ANKRD17: variants seen among roughly 807,000 people sequenced by gnomAD.
ANKRD17 encodes the protein ankyrin repeat domain-containing protein 17.
In ANKRD17, 19 loss-of-function variants were observed where a neutral mutation model predicts 229.7. That is an observed-to-expected ratio of 0.08 (90% CI 0.06 to 0.12). The LOEUF (loss-of-function observed/expected upper bound fraction) is 0.12, where lower values mean the gene tolerates loss of function less well. Ranked by LOEUF, ANKRD17 falls within the 10% of genes least tolerant of loss-of-function variation. The probability of loss-of-function intolerance (pLI) is 1.00; values close to 1 mark genes in which losing one functional copy is unlikely to be tolerated. For missense variants in ANKRD17, 2,176 were observed against 3,176.8 expected, an observed-to-expected ratio of 0.68 and a Z score of 7.57; for synonymous variants, 1,112 against 1,146.1, an observed-to-expected ratio of 0.97 and a Z score of 0.60.
intron 1 of ANKRD17, among the ~76,000 whole-genome samples, chr4:73,224,332 T>C (rs1262377575): frequency 6.6e-6 from 1 of 152,182 alleles, no homozygotes; most frequent in Non-Finnish European, 1.5e-5. Context: ...CTCCTCAAAG[T>C]GATGTCATGT....
chr4:73,237,953 TCTA>T (rs1298710060), intron 1 of ANKRD17, among the ~76,000 whole-genome samples: 2 of 152,072 alleles, frequency 1.3e-5, no homozygotes, highest in Admixed American at 1.3e-4. Context: ...CCTTAACCTA[TCTA>T]CTATCAGCTC....
intron 21 of ANKRD17, among the ~76,000 whole-genome samples, chr4:73,119,510 T>C (rs1324236703): frequency 6.6e-6 from 1 of 152,232 alleles, no homozygotes; most frequent in Admixed American, 6.5e-5. Context: ...ATACTCAATC[T>C]GTTTTTGTAG....
chr4:73,216,295 T>C lies in ANKRD17; in HGVS notation c.394-38762A>G, dbSNP rs141114648. On this transcript the variant is annotated intron_variant, in intron 1 of 33. Coordinates refer to ENST00000358602, the MANE Select transcript of ANKRD17 (RefSeq NM_032217.5). The stretch of plus-strand genomic sequence containing the variant: ...ATGTAAATGTTTTTAAATTTTTCTT[T>C]CAACTTTAATTTTAATTTTCTTTAA... Among the ~76,000 whole-genome samples the C allele has an allele frequency of 3.8e-3, 579 of 152,266 alleles. 3 individuals are homozygous for C. The highest frequency in any genetic ancestry group is 0.013 in the African/African-American group (550 of 41,570).
intron 6 of ANKRD17, 125 bp downstream of exon 6, chr4:73,153,750 CTTATT>C: frequency 1.7e-6 from 1 of 585,796 alleles, no homozygotes. Context: ...ACTGCAAACA[CTTATT>C]TAACCTTTAA....
At chr4:73,136,878 A>G (rs1037941542) in intron 15 of ANKRD17, among the ~76,000 whole-genome samples, 1 of 152,028 alleles carries the variant, frequency 6.6e-6, no homozygotes, top group African/African-American at 2.4e-5. Context: ...TCATAATACT[A>G]AACAGGTTAA....
At position 73,112,870 on chromosome 4, in the gene ANKRD17, C is replaced by T. The variant is rs1725487122; in HGVS notation, c.4401+922G>A. 3 of 302,928 alleles carry T rather than the reference C, an allele frequency of 9.9e-6. No individual in the cohort carries two copies. In the South Asian group the frequency reaches 3.9e-4, roughly 39 times the overall value. The allele number at this position is 302,928 out of a possible 1,614,324, so 18.8% of individuals were successfully genotyped here. On this transcript the variant is annotated intron_variant, in intron 24 of 33. Transcript: ENST00000358602. Reference sequence around the variant, plus strand: ...TGGCGTGATCTTGGCTCACTGCAACCTCCGCCTCCCAGGTTCAAGTGATTC... The same window carrying T: ...TGGCGTGATCTTGGCTCACTGCAACTTCCGCCTCCCAGGTTCAAGTGATTC...
intron 1 of ANKRD17, among the ~76,000 whole-genome samples, chr4:73,217,849 G>A (rs1203413173): frequency 6.6e-6 from 1 of 152,084 alleles, no homozygotes; most frequent in Non-Finnish European, 1.5e-5. Context: ...TCTCATGTGG[G>A]TCCCATCCCC....
chr4:73,078,539 A>G, intron 31 of ANKRD17, 103 bp downstream of exon 31: 2 of 1,407,958 alleles, frequency 1.4e-6, no homozygotes, highest in Admixed American at 2.3e-5. Context: ...TCCATCTCAA[A>G]AAAAGAAAAA....
intron 20 of ANKRD17, among the ~76,000 whole-genome samples, chr4:73,120,650 T>C (rs1179802494): frequency 1.3e-5 from 2 of 151,908 alleles, no homozygotes; most frequent in Non-Finnish European, 2.9e-5. Flanking sequence ...CAAAATAGTC[T>C]CTCTTTTTCA....
At chr4:73,077,646 A>C (rs2110081932) in intron 31 of ANKRD17, 113 bp from the exon 32 acceptor site, 1 of 878,478 alleles carries the variant, frequency 1.1e-6, no homozygotes, top group Non-Finnish European at 1.6e-6. Flanking sequence ...CAATATAATG[A>C]CCTACTTTTA....
intron 1 of ANKRD17, among the ~76,000 whole-genome samples, chr4:73,188,376 G>A (rs184838363): frequency 6.6e-6 from 1 of 152,186 alleles, no homozygotes; most frequent in Non-Finnish European, 1.5e-5. Flanking sequence ...CATGAGGTCA[G>A]GGGTTCGAGA....
At chr4:73,105,102 C>T (rs1028917405) in intron 24 of ANKRD17, among the ~76,000 whole-genome samples, 1 of 152,092 alleles carries the variant, frequency 6.6e-6, no homozygotes, top group Admixed American at 6.6e-5. Flanking sequence ...AGGTAGGGCA[C>T]TAATTCAGAG....
chr4:73,208,058 G>A (rs545148759), intron 1 of ANKRD17, among the ~76,000 whole-genome samples: 8 of 152,114 alleles, frequency 5.3e-5, no homozygotes, highest in African/African-American at 1.9e-4. Flanking sequence ...GCGTGGTGGT[G>A]GGCGCCTGTA....
intron 1 of ANKRD17, among the ~76,000 whole-genome samples, chr4:73,234,986 T>C (rs943673380): frequency 1.3e-5 from 2 of 152,188 alleles, no homozygotes; most frequent in African/African-American, 2.4e-5. Flanking sequence ...CTTACCTCTG[T>C]TATCTTGGGT....
In ANKRD17 at chr4:73,113,978, C is replaced by T. The variant is rs112066490; in HGVS notation, c.4285-70G>A. ...TCACTTAGAGAAATTCCTAAAAACACGAAGATCTTTAGTAAGGTACTCAAA... is the reference window on the plus strand; with the variant it reads ...TCACTTAGAGAAATTCCTAAAAACATGAAGATCTTTAGTAAGGTACTCAAA... On this transcript the variant is annotated intron_variant, in intron 23 of 33. Transcript: ENST00000358602. The T allele has an allele frequency of 2.3e-4, 256 of 1,121,022 alleles. 1 individual carries two copies. The African/African-American group carries it at 3.1e-3, about 13-fold the overall frequency. 69.4% of individuals were successfully genotyped at this position (1,121,022 alleles called of 1,614,324 possible). A position where few individuals can be genotyped will look rare whatever the true frequency, so the allele number is the denominator to read the frequency against.
chr4:73,225,365 A>G (rs1742358757), intron 1 of ANKRD17, among the ~76,000 whole-genome samples: 1 of 152,172 alleles, frequency 6.6e-6, no homozygotes, highest in South Asian at 2.1e-4. Flanking sequence ...GGGGGCCCCT[A>G]AGACTAAAGT....
chr4:73,221,019 C>G (rs1048954678), intron 1 of ANKRD17, among the ~76,000 whole-genome samples: 1 of 152,102 alleles, frequency 6.6e-6, no homozygotes, highest in African/African-American at 2.4e-5. Context: ...GCAAAGTTAG[C>G]AAATTTATTC....
chr4:73,131,684 T>C lies in ANKRD17; in HGVS notation c.3234+3433A>G, dbSNP rs1032307951. Among the ~76,000 whole-genome samples the C allele has an allele frequency of 4.6e-5, 7 of 152,288 alleles. No individual in the cohort carries two copies. In the South Asian group the frequency reaches 6.2e-4, roughly 14 times the overall value. ...GAGCCAGAGTGTCTGAGTTCAAAAG[T>C]AGGCTCCACCACTAATTAGCTGTTG... On this transcript the variant is annotated intron_variant, in intron 16 of 33. Transcript: ENST00000358602.
chr4:73,151,555 A>G, intron 6 of ANKRD17, 31 bp from the exon 7 acceptor site: 1 of 1,394,992 alleles, frequency 7.2e-7, no homozygotes, highest in Non-Finnish European at 9.6e-7. Flanking sequence ...ATTACTTGAA[A>G]ATATTTTATT....
Sources: allele counts gnomAD v4.1 joint callset (sites outside exome capture counted in the v4.1 genomes callset), GRCh38; gene constraint gnomAD v4.1.1; transcripts MANE v1.5; gene names NCBI Gene and HGNC (gene_info 2026-07-23, HGNC 2026-07-21).